Variants in STPG2 observed in about 807,000 individuals in gnomAD.
The protein encoded by STPG2 is sperm-tail PG-rich repeat-containing protein 2.
In STPG2, 56 loss-of-function variants were observed where a neutral mutation model predicts 54.2. The observed-to-expected ratio is 1.03, with a 90% confidence interval of 0.83 to 1.29. The LOEUF (loss-of-function observed/expected upper bound fraction) is 1.29, where lower values mean the gene tolerates loss of function less well. Among genes scored for constraint, STPG2 ranks in the 50% most tolerant of loss-of-function variants. The probability of loss-of-function intolerance (pLI) is 0.00; values close to 1 mark genes in which losing one functional copy is unlikely to be tolerated. For missense variants in STPG2, 596 were observed against 544.9 expected (o/e 1.09, Z -0.93); for synonymous variants, 200 against 181.8 (o/e 1.10, Z -0.81).
chr4:97,598,487 C>T (rs1468670174), intron 10 of STPG2, among the ~76,000 whole-genome samples: 1 of 151,734 alleles, frequency 6.6e-6, no homozygotes, highest in African/African-American at 2.4e-5. Context: ...ACCAAAGCTG[C>T]AGGCTTCACA....
chr4:97,504,851 T>A (rs557305405), intron 4 of STPG2, among the ~76,000 whole-genome samples: 268 of 152,132 alleles, frequency 1.8e-3, no homozygotes, highest in African/African-American at 6.3e-3. Flanking sequence ...CAGGGACTAT[T>A]CAATGGCAAC....
intron 4 of STPG2, among the ~76,000 whole-genome samples, chr4:97,497,461 T>C (rs1200571415): frequency 1.3e-5 from 2 of 151,894 alleles, no homozygotes; most frequent in Non-Finnish European, 2.9e-5. Context: ...CTAACTTATT[T>C]TTCAAATTTT....
At chr4:97,669,059 A>G (rs1722618780) in intron 10 of STPG2, among the ~76,000 whole-genome samples, 2 of 152,030 alleles carry the variant, frequency 1.3e-5, no homozygotes, top group Admixed American at 1.3e-4. Context: ...AAAAATCAGG[A>G]AGAAGTCGTG....
intron 10 of STPG2, among the ~76,000 whole-genome samples, chr4:97,573,150 A>T (rs1010807487): frequency 6.6e-6 from 1 of 151,974 alleles, no homozygotes; most frequent in Non-Finnish European, 1.5e-5. Context: ...TTTCTTCTTT[A>T]CCTCAAGTTT....
At chr4:97,591,382 C>T (rs1733142901) in intron 10 of STPG2, among the ~76,000 whole-genome samples, 1 of 152,050 alleles carries the variant, frequency 6.6e-6, no homozygotes, top group African/African-American at 2.4e-5. Context: ...GCTCAATTTT[C>T]TTTAACATTA....
At chr4:98,082,855 C>T (rs1219095333) in intron 5 of STPG2, among the ~76,000 whole-genome samples, 2 of 152,102 alleles carry the variant, frequency 1.3e-5, no homozygotes, top group Non-Finnish European at 2.9e-5. Flanking sequence ...CAGTAAAGCA[C>T]AAAGCCCTTA....
intron 8 of STPG2, among the ~76,000 whole-genome samples, chr4:97,867,750 T>G (rs1729845145): frequency 6.6e-6 from 1 of 152,044 alleles, no homozygotes; most frequent in Admixed American, 6.6e-5. Context: ...TCTGCCAACC[T>G]TAACATGTGG....
At chr4:97,837,914 T>C (rs182683725) in intron 9 of STPG2, among the ~76,000 whole-genome samples, 53 of 151,694 alleles carry the variant, frequency 3.5e-4, no homozygotes, top group Admixed American at 1.3e-3. Flanking sequence ...CCTACAAATG[T>C]AAGATATCCA....
At chr4:97,574,971 C>T (rs561320715) in intron 10 of STPG2, among the ~76,000 whole-genome samples, 4 of 151,700 alleles carry the variant, frequency 2.6e-5, no homozygotes, top group South Asian at 2.1e-4. Context: ...AAAAATCACA[C>T]GGAAATACAA....
At chr4:98,090,086 G>A (rs557381883) in intron 5 of STPG2, among the ~76,000 whole-genome samples, 9 of 152,030 alleles carry the variant, frequency 5.9e-5, no homozygotes, top group Admixed American at 1.3e-4. Flanking sequence ...TGTTTTTGTT[G>A]CGTTTGCTTT....
At chr4:97,942,034 T>A (rs1278472131) in intron 8 of STPG2, among the ~76,000 whole-genome samples, 1 of 151,882 alleles carries the variant, frequency 6.6e-6, no homozygotes. Context: ...GTCAAAAATA[T>A]TGGTGAAGCA....
At chr4:97,452,121 C>A (rs77977450) in intron 4 of STPG2, among the ~76,000 whole-genome samples, 1 of 14,234 alleles carries the variant, frequency 7.0e-5, no homozygotes, top group African/African-American at 2.3e-4. Flanking sequence ...CCCGCCCCCA[C>A]CCCCCCCCCC....
intron 3 of STPG2, among the ~76,000 whole-genome samples, chr4:98,114,256 C>T (rs1257728356): frequency 6.6e-6 from 1 of 151,928 alleles, no homozygotes; most frequent in Admixed American, 6.6e-5. Context: ...ATGAAATTTC[C>T]CATTTATGTT....
chr4:97,730,373 T>C (rs146428423), intron 9 of STPG2, among the ~76,000 whole-genome samples: 42 of 152,336 alleles, frequency 2.8e-4, no homozygotes, highest in Non-Finnish European at 1.2e-4. Flanking sequence ...ATGGTATATA[T>C]GTACGACATT....
intron 5 of STPG2, among the ~76,000 whole-genome samples, chr4:97,985,967 CACAT>C (rs938982974): frequency 7.0e-6 from 1 of 143,586 alleles, no homozygotes; most frequent in African/African-American, 2.5e-5. Flanking sequence ...CACACACACA[CACAT>C]ACACACACAC....
At chr4:97,779,976 C>T (rs996288222) in intron 9 of STPG2, among the ~76,000 whole-genome samples, 1 of 151,442 alleles carries the variant, frequency 6.6e-6, no homozygotes, top group African/African-American at 2.4e-5. Flanking sequence ...ACTGCAAAAA[C>T]ATGCCGAACT....
At chr4:97,753,845 C>A (rs1725654143) in intron 9 of STPG2, among the ~76,000 whole-genome samples, 1 of 151,840 alleles carries the variant, frequency 6.6e-6, no homozygotes, top group South Asian at 2.1e-4. Context: ...TGCCCATTTT[C>A]TTAAATTGGG....
chr4:97,932,680 C>T (rs1377731408), intron 8 of STPG2, among the ~76,000 whole-genome samples: 3 of 152,050 alleles, frequency 2.0e-5, no homozygotes, highest in African/African-American at 4.8e-5. Context: ...TCCATGCACC[C>T]GCAAAGGACA....
At chr4:98,012,128 G>T (rs547295376) in intron 5 of STPG2, among the ~76,000 whole-genome samples, 2 of 127,904 alleles carry the variant, frequency 1.6e-5, no homozygotes, top group South Asian at 5.2e-4. Context: ...GTTAATTTTT[G>T]TATAATGCAT....
Sources: allele counts gnomAD v4.1 joint callset (sites outside exome capture counted in the v4.1 genomes callset), GRCh38; gene constraint gnomAD v4.1.1; transcripts MANE v1.5; gene names NCBI Gene and HGNC (gene_info 2026-07-23, HGNC 2026-07-21).